The following CABLES1 variants were observed in gnomAD, a reference collection of about 807,000 sequenced individuals.
CABLES1 encodes the protein CDK5 and ABL1 enzyme substrate 1.
CABLES1 carries 36 observed loss-of-function variants against 57.8 expected under a neutral mutation model. That is an observed-to-expected ratio of 0.62 (90% CI 0.48 to 0.82). CABLES1 has a LOEUF of 0.82. Among genes scored for constraint, CABLES1 ranks in the 40% least tolerant of loss-of-function variants. The pLI is 0.00. For missense variants in CABLES1, 767 were observed against 836.6 expected, an observed-to-expected ratio of 0.92 and a Z score of 1.03; for synonymous variants, 374 against 363.0, an observed-to-expected ratio of 1.03 and a Z score of -0.35.
At chr18:23,228,715 C>T (rs1216087159) in intron 4 of CABLES1, among the ~76,000 whole-genome samples, 5 of 149,066 alleles carry the variant, frequency 3.4e-5, no homozygotes, top group African/African-American at 7.5e-5. Flanking sequence ...CCCCCACCCC[C>T]GTGGGCCAGT....
At chr18:23,219,369 T>C in intron 4 of CABLES1, 1 of 453,754 alleles carries the variant, frequency 2.2e-6, no homozygotes, top group South Asian at 1.6e-5. Flanking sequence ...TGAATTCAGA[T>C]GGCAGGATCC....
chr18:23,249,173 A>T (rs1414756605), intron 7 of CABLES1, among the ~76,000 whole-genome samples: 1 of 152,248 alleles, frequency 6.6e-6, no homozygotes, highest in African/African-American at 2.4e-5. Flanking sequence ...CTGCCTTCAC[A>T]TATCAGAGCA....
intron 4 of CABLES1, among the ~76,000 whole-genome samples, chr18:23,233,183 G>A (rs535732063): frequency 6.6e-6 from 1 of 152,230 alleles, no homozygotes; most frequent in Non-Finnish European, 1.5e-5. Context: ...TAAAACTCCT[G>A]GTGTCCAGGT....
chr18:23,213,988 T>C lies in CABLES1; in HGVS notation c.1022T>C (p.Ile341Thr). 6.2e-7 allele frequency: 1 copy of C among 1,606,628 alleles called. No homozygotes were observed. Among genetic ancestry groups the C allele is most frequent in the Non-Finnish European group, 8.5e-7 (1 of 1,175,240 alleles). Residue 341 changes from isoleucine (I) to threonine (T), a missense_variant, in exon 4 of 10, where the codon ATC (isoleucine) becomes ACC (threonine). By Grantham distance (89) the Ile-to-Thr change is moderately conservative. Transcript: ENST00000256925. Reference sequence around the variant, plus strand: ...TTTTTATTTTTTAGAATAGTCCTTATCAGTGGCAGAAGATCCTTCTGTAGT... The same window carrying C: ...TTTTTATTTTTTAGAATAGTCCTTACCAGTGGCAGAAGATCCTTCTGTAGT... ...HDTRNGRIVL[I>T]SGRRSFCSIF...
intron 9 of CABLES1, chr18:23,257,018 C>A (rs2048184409): frequency 1.7e-6 from 1 of 576,104 alleles, no homozygotes; most frequent in Non-Finnish European, 3.0e-6. Flanking sequence ...TGGTTCCGGG[C>A]AGCCCCTCGG....
chr18:23,257,454 A>G lies in CABLES1; in HGVS notation c.*87A>G. On this transcript the variant is annotated 3_prime_UTR_variant, in exon 10 of 10. Coordinates refer to ENST00000256925, the MANE Select transcript of CABLES1 (RefSeq NM_001100619.3). ...ACTACTGGAAATGAAAAAAAGTAGA[A>G]CTCAGAATACCAGACTTTTCTTCCT... The G allele has an allele frequency of 7.2e-7, 1 of 1,385,634 alleles. No homozygotes were observed. Among genetic ancestry groups the G allele is most frequent in the Non-Finnish European group, 9.7e-7 (1 of 1,030,914 alleles). 85.8% of individuals were successfully genotyped at this position (1,385,634 alleles called of 1,614,324 possible). A position where few individuals can be genotyped will look rare whatever the true frequency, so the allele number is the denominator to read the frequency against.
At chr18:23,191,601 C>A (rs1008669982) in intron 2 of CABLES1, among the ~76,000 whole-genome samples, 1 of 152,086 alleles carries the variant, frequency 6.6e-6, no homozygotes, top group Non-Finnish European at 1.5e-5. Flanking sequence ...ACAAATGGCT[C>A]CAAGGAATCT....
rs1472827017 is a variant in CABLES1, at chr18:23,160,450, G to A, written c.845+23843G>A. 2.0e-5 allele frequency among the ~76,000 whole-genome samples: 3 copies of A among 152,334 alleles called. 1 individual carries two copies. Among genetic ancestry groups the A allele is most frequent in the East Asian group, 3.9e-4 (2 of 5,178 alleles). Reference sequence around the variant, plus strand: ...CTCTGCCCTGCAGGTGCAGTGCCGGGCACATGGTATACAGAGGGTAGACCC... The same window carrying A: ...CTCTGCCCTGCAGGTGCAGTGCCGGACACATGGTATACAGAGGGTAGACCC... On this transcript the variant is annotated intron_variant, in intron 1 of 9. Transcript: ENST00000256925.
intron 3 of CABLES1, among the ~76,000 whole-genome samples, chr18:23,205,469 C>CA (rs1168294184): frequency 1.3e-5 from 2 of 152,184 alleles, no homozygotes; most frequent in African/African-American, 4.8e-5. Context: ...GCTAGGATCA[C>CA]AGGCTTGAGC....
At chr18:23,154,575 C>T (rs1038824907) in intron 1 of CABLES1, among the ~76,000 whole-genome samples, 1 of 152,206 alleles carries the variant, frequency 6.6e-6, no homozygotes, top group South Asian at 2.1e-4. Context: ...CTTACAGTAC[C>T]TAGAACATAG....
chr18:23,153,200 A>C (rs545527625), intron 1 of CABLES1, among the ~76,000 whole-genome samples: 43 of 151,932 alleles, frequency 2.8e-4, no homozygotes, highest in Admixed American at 1.7e-3. Flanking sequence ...GACTCAAGCA[A>C]TCCTCCCACC....
At chr18:23,248,512 CTTTTTTTT>C (rs59555750) in intron 7 of CABLES1, among the ~76,000 whole-genome samples, 53 of 90,728 alleles carry the variant, frequency 5.8e-4, no homozygotes, top group Non-Finnish European at 7.2e-4. Flanking sequence ...GACCCTATGT[CTTTTTTTT>C]TTTTTTTTTT....
At chr18:23,200,045 G>A (rs1048401970) in intron 3 of CABLES1, among the ~76,000 whole-genome samples, 5 of 152,150 alleles carry the variant, frequency 3.3e-5, no homozygotes, top group South Asian at 2.1e-4. Context: ...ACAAAGCCAC[G>A]TACCAGGCAC....
chr18:23,195,230 A>G (rs80297636), intron 3 of CABLES1, among the ~76,000 whole-genome samples: 6,453 of 152,272 alleles, frequency 0.042, 162 homozygotes, highest in Middle Eastern at 0.085. Flanking sequence ...CTCAGCTCCA[A>G]TGGTGCATGG....
chr18:23,182,756 T>C (rs920578269), intron 1 of CABLES1, among the ~76,000 whole-genome samples: 11 of 152,360 alleles, frequency 7.2e-5, no homozygotes, highest in African/African-American at 2.2e-4. Context: ...CTGCCTCACG[T>C]TGTCCTTCGG....
At chr18:23,220,412 G>A (rs571469648) in intron 4 of CABLES1, among the ~76,000 whole-genome samples, 1 of 152,290 alleles carries the variant, frequency 6.6e-6, no homozygotes, top group African/African-American at 2.4e-5. Flanking sequence ...CTTGAGGCTA[G>A]GGGCTGAGAA....
chr18:23,194,549 T>C lies in CABLES1; in HGVS notation c.1010+9T>C, dbSNP rs780626207. 1 of 1,584,588 alleles carries C rather than the reference T, an allele frequency of 6.3e-7. No homozygotes were observed. Among genetic ancestry groups the C allele is most frequent in the Non-Finnish European group, 8.7e-7 (1 of 1,153,220 alleles). On this transcript the variant is annotated intron_variant, in intron 3 of 9. Coordinates refer to ENST00000256925, the MANE Select transcript of CABLES1 (RefSeq NM_001100619.3). ...GATACCAGGAATGGCAGGTACTACA[T>C]TCACACAGAAGCGGCTGCCAGCACC...
chr18:23,240,891 T>C (rs955324019), intron 7 of CABLES1, among the ~76,000 whole-genome samples: 2 of 152,188 alleles, frequency 1.3e-5, no homozygotes, highest in Non-Finnish European at 2.9e-5. Context: ...ACCCATCAAA[T>C]CCTGCTGCAG....
At chr18:23,150,218 T>TTTTTGTTTTTGTTTTTG (rs2046919263) in intron 1 of CABLES1, among the ~76,000 whole-genome samples, 1 of 145,150 alleles carries the variant, frequency 6.9e-6, no homozygotes. Flanking sequence ...TTTTTTTTTT[T>TTTTTGTTTTTGTTTTTG]TTTTTTTTGA....
Sources: gnomAD v4.1 joint callset for allele counts (sites outside exome capture counted in the v4.1 genomes callset) on GRCh38, gnomAD v4.1.1 for gene constraint, MANE v1.5 for transcripts, NCBI Gene and HGNC (gene_info 2026-07-23, HGNC 2026-07-21) for gene names.